CLCF1: variants seen among roughly 807,000 people sequenced by gnomAD.
The protein encoded by CLCF1 is cardiotrophin-like cytokine factor 1.
A neutral mutation model predicts 21.2 loss-of-function variants in CLCF1; 10 were observed. The ratio of observed to expected loss-of-function variants is 0.47; its 90% confidence interval spans 0.29 to 0.80. The LOEUF is 0.80. CLCF1 is among the 30% of genes least tolerant of loss of function. The pLI, the probability that CLCF1 is intolerant of heterozygous loss-of-function variation, is 0.09. For missense variants in CLCF1, 240 were observed against 293.4 expected (o/e 0.82, Z 1.33); for synonymous variants, 115 against 120.5 (o/e 0.95, Z 0.30).
In CLCF1 at chr11:67,364,376, T is replaced by A. The variant is rs1862056329; in HGVS notation, c.*760A>T. ...TAAACTTTCAGGAAATCCTGTGGTG[T>A]GGCTATGGTTGCCCTCCCCAGCCTG... On this transcript the variant is annotated 3_prime_UTR_variant, in exon 3 of 3. Coordinates refer to ENST00000312438, the MANE Select transcript of CLCF1 (RefSeq NM_013246.3). 1 of 152,490 alleles carries A rather than the reference T, an allele frequency of 6.6e-6. No homozygotes were observed. The allele number at this position is 152,490 out of a possible 1,614,324, so 9.4% of individuals were successfully genotyped here.
chr11:67,369,485 T>C, intron 1 of CLCF1: 1 of 985,448 alleles, frequency 1.0e-6, no homozygotes, highest in African/African-American at 1.7e-5. Flanking sequence ...AGCTCTTGCC[T>C]GACTCAGTTC....
rs1862255162 is a variant in CLCF1 at position 67,372,360 on chromosome 11, G to A, written c.16+1164C>T. Among the ~76,000 whole-genome samples, 1 of 152,114 alleles carries A rather than the reference G, an allele frequency of 6.6e-6. No homozygotes were observed. The highest frequency in any genetic ancestry group is 1.5e-5 in the Non-Finnish European group (1 of 67,980). On this transcript the variant is annotated intron_variant, in intron 1 of 2. Transcript: ENST00000312438. This position sits in a 1 kb window ranked among gnomAD's most constrained non-coding sequence, Gnocchi z 5.9. ...CTGTGGGGAGGGCTCCAGAAGCCCA[G>A]CACGGAGTTGTGGAAAGGAAGGCGG...
In CLCF1 at chr11:67,368,912, CTTTTTTTT is replaced by C. The variant is rs10666079; in HGVS notation, c.17-1294_17-1287del. 2.9e-5 allele frequency: 20 copies of C among 685,236 alleles called. No homozygotes were observed. The South Asian group carries it at 1.1e-3, about 36-fold the overall frequency. The allele number at this position is 685,236 out of a possible 1,614,324, so 42.4% of individuals were successfully genotyped here. On this transcript the variant is annotated intron_variant, in intron 1 of 2. Transcript: ENST00000312438. ...TCTTTCCTATAGTTCTTTTTTTTTC[CTTTTTTTT>C]TTTTTTTTTTGCTGCCACCTTCTCT...
chr11:67,372,083 G>A lies in CLCF1; in HGVS notation c.16+1441C>T, dbSNP rs1323203311. On this transcript the variant is annotated intron_variant, in intron 1 of 2. Transcript: ENST00000312438. This position sits in a 1 kb window ranked among gnomAD's most constrained non-coding sequence, Gnocchi z 5.9. ...TGTACTCGCATCCTGTCCGGTGTGA[G>A]GGGCAACGTGTGCTCCCGAGCTGTG... Among the ~76,000 whole-genome samples the A allele has an allele frequency of 1.3e-5, 2 of 152,142 alleles. No individual in the cohort carries two copies. The highest frequency in any genetic ancestry group is 2.9e-5 in the Non-Finnish European group (2 of 68,018).
At chr11:67,368,494 T>A in intron 1 of CLCF1, 1 of 984,792 alleles carries the variant, frequency 1.0e-6, no homozygotes, top group Non-Finnish European at 1.2e-6. Flanking sequence ...GAGGCCAGGG[T>A]TGGGTGCTGT....
upstream of CLCF1, chr11:67,373,676 G>A (rs1862285994): frequency 1.6e-6 from 2 of 1,227,090 alleles, no homozygotes; most frequent in Non-Finnish European, 2.0e-6. Context: ...CTCGGTTTCG[G>A]ATTTTTTTTT....
In CLCF1 at chr11:67,365,275, T is replaced by A; in HGVS notation, c.539A>T (p.Gln180Leu). ...CAGCAGCCAGAAGTCGTCCATCTTC[T>A]GGAGGAAGTCACTGTGGGCAGGGCC... ...TPGPAHSDFLQKMDDFWLLKE... is the reference protein window; with the variant it reads ...TPGPAHSDFLLKMDDFWLLKE... Residue 180 changes from glutamine (Q) to leucine (L), a missense_variant, in exon 3 of 3, where the codon CAG (glutamine) becomes CTG (leucine). By Grantham distance (113) the Gln-to-Leu change is moderately radical (BLOSUM62 -2). Transcript: ENST00000312438. The surrounding 1 kb of genome is among the most constrained non-coding windows in gnomAD (Gnocchi z 5.0). The A allele has an allele frequency of 6.2e-7, 1 of 1,613,938 alleles. No homozygotes were observed. The highest frequency in any genetic ancestry group is 8.5e-7 in the Non-Finnish European group (1 of 1,180,016).
At chr11:67,373,921 G>A, upstream of CLCF1, 3 of 985,972 alleles carry the variant, frequency 3.0e-6, no homozygotes, top group Non-Finnish European at 3.7e-6. Flanking sequence ...CCATCAGTCC[G>A]TCTGAGGACT....
intron 1 of CLCF1, chr11:67,369,420 T>C: frequency 7.1e-6 from 7 of 985,120 alleles, no homozygotes; most frequent in Non-Finnish European, 8.4e-6. Context: ...CTGTCCCCTC[T>C]GAGCTTGTGG....
Position 67,364,948 on chromosome 11 carries a change from C to T in CLCF1, c.*188G>A, listed in dbSNP as rs1862064990. The stretch of plus-strand genomic sequence containing the variant: ...GACAGGGCCTACTGTACCTCCTCCC[C>T]AGCTCGGTAGACCTTTGGGAGGTGG... On this transcript the variant is annotated 3_prime_UTR_variant, in exon 3 of 3. Transcript: ENST00000312438. 3 of 874,722 alleles carry T rather than the reference C, an allele frequency of 3.4e-6. No homozygotes were observed. Among genetic ancestry groups the T allele is most frequent in the Admixed American group, 5.3e-5 (2 of 37,472 alleles). The allele number at this position is 874,722 out of a possible 1,614,324, so 54.2% of individuals were successfully genotyped here. A position where few individuals can be genotyped will look rare whatever the true frequency, so the allele number is the denominator to read the frequency against.
chr11:67,371,848 G>A (rs905874478), intron 1 of CLCF1, among the ~76,000 whole-genome samples: 1 of 152,058 alleles, frequency 6.6e-6, no homozygotes, highest in Non-Finnish European at 1.5e-5. Context: ...CAGGGGTGGC[G>A]TGCAGGGGTG....
chr11:67,371,912 G>A (rs898540064), intron 1 of CLCF1, among the ~76,000 whole-genome samples: 3 of 152,090 alleles, frequency 2.0e-5, no homozygotes, highest in Non-Finnish European at 2.9e-5. Context: ...AGGGGACAGG[G>A]AGCCATTGCA....
At chr11:67,367,311 G>T in intron 2 of CLCF1, 149 bp downstream of exon 2, 1 of 1,281,650 alleles carries the variant, frequency 7.8e-7, no homozygotes, top group Non-Finnish European at 1.1e-6. Context: ...TAAGAGGGAA[G>T]GGCAGGAGAT....
Position 67,365,838 on chromosome 11 carries a change from TGAGCTCTCCAATGGA to T in CLCF1, c.184-223_184-209del, listed in dbSNP as rs1316476065. Among the ~76,000 whole-genome samples the T allele has an allele frequency of 6.6e-6, 1 of 152,092 alleles. No homozygotes were observed. The highest frequency in any genetic ancestry group is 1.5e-5 in the Non-Finnish European group (1 of 67,988). On this transcript the variant is annotated intron_variant, in intron 2 of 2. Transcript: ENST00000312438. The surrounding 1 kb of genome is among the most constrained non-coding windows in gnomAD (Gnocchi z 5.0). ...GTGACAGTTGAAGCAGTGGCGGTGG[TGAGCTCTCCAATGGA>T]GAGGCGTAGAAAAAGGAGGAGGAGG...
intron 1 of CLCF1, 70 bp downstream of exon 1, chr11:67,373,454 C>T: frequency 2.3e-6 from 2 of 884,594 alleles, no homozygotes; most frequent in Non-Finnish European, 3.4e-6. Context: ...GGGGTCAGGG[C>T]AGGACGGGAA....
intron 1 of CLCF1, chr11:67,370,617 C>CACAA: frequency 1.0e-6 from 1 of 968,984 alleles, no homozygotes; most frequent in Non-Finnish European, 1.2e-6. Context: ...CATGAACACA[C>CACAA]ACACACACAC....
At chr11:67,370,205 A>G in intron 1 of CLCF1, 1 of 985,380 alleles carries the variant, frequency 1.0e-6, no homozygotes, top group Non-Finnish European at 1.2e-6. Flanking sequence ...AGCAGGAGGG[A>G]AAGCAGCGTG....
chr11:67,367,706 T>C, intron 1 of CLCF1, 80 bp from the exon 2 acceptor site: 2 of 1,507,152 alleles, frequency 1.3e-6, no homozygotes, highest in Non-Finnish European at 1.8e-6. Context: ...CAGGTGTCTG[T>C]CCCCACCTTG....
intron 1 of CLCF1, chr11:67,368,787 TGGTCGGTTTA>T (rs1862168937): frequency 1.0e-6 from 1 of 985,018 alleles, no homozygotes; most frequent in African/African-American, 1.7e-5. Flanking sequence ...GGCTGTGACT[TGGTCGGTTTA>T]GGTATCAGAT....
Sources: allele counts gnomAD v4.1 joint callset (sites outside exome capture counted in the v4.1 genomes callset), GRCh38; gene constraint gnomAD v4.1.1; non-coding constraint Gnocchi (gnomAD v3.1); transcripts MANE v1.5; gene names NCBI Gene and HGNC (gene_info 2026-07-23, HGNC 2026-07-21).